RBM47: variants seen among roughly 807,000 people sequenced by gnomAD.
RBM47 encodes the protein RNA binding motif protein 47.
In RBM47, 21 loss-of-function variants were observed where a neutral mutation model predicts 47.1. That is an observed-to-expected ratio of 0.45 (90% CI 0.32 to 0.64). RBM47 has a LOEUF of 0.64. RBM47 is among the 30% of genes least tolerant of loss of function. RBM47 has a pLI of 0.05. For missense variants in RBM47, 708 were observed against 870.9 expected, an observed-to-expected ratio of 0.81 and a Z score of 2.35; for synonymous variants, 375 against 361.7, an observed-to-expected ratio of 1.04 and a Z score of -0.42.
chr4:40,514,286 T>TA (rs1055884878), intron 2 of RBM47, among the ~76,000 whole-genome samples: 23 of 152,182 alleles, frequency 1.5e-4, no homozygotes, highest in African/African-American at 5.5e-4. Flanking sequence ...GTTTTCCACT[T>TA]ACTCTCCATT....
intron 1 of RBM47, among the ~76,000 whole-genome samples, chr4:40,620,725 GT>G (rs1737188256): frequency 6.6e-6 from 1 of 151,868 alleles, no homozygotes; most frequent in African/African-American, 2.4e-5. Context: ...ATAGAGAAGG[GT>G]TTTCGCCATG....
At chr4:40,457,590 C>T (rs1716488924) in intron 3 of RBM47, among the ~76,000 whole-genome samples, 1 of 151,998 alleles carries the variant, frequency 6.6e-6, no homozygotes, top group African/African-American at 2.4e-5. Flanking sequence ...ACCACCACGC[C>T]CAGCTAATTT....
chr4:40,488,850 C>T lies in RBM47; in HGVS notation c.-154-22151G>A, dbSNP rs141305860. 2.5e-3 allele frequency among the ~76,000 whole-genome samples: 379 copies of T among 152,314 alleles called. 1 individual carries two copies. The highest frequency in any genetic ancestry group is 8.3e-3 in the African/African-American group (343 of 41,566). ...ACCAGTTCTGGGTGCTTCACATATG[C>T]TATTTCATTTAATCCTCACGACAAT... On this transcript the variant is annotated intron_variant, in intron 2 of 6. Coordinates refer to ENST00000295971, the MANE Select transcript of RBM47 (RefSeq NM_001098634.2).
chr4:40,523,317 G>A (rs117728101), intron 2 of RBM47, among the ~76,000 whole-genome samples: 2,653 of 151,812 alleles, frequency 0.017, 64 homozygotes, highest in African/African-American at 0.051. Context: ...GCTCATGCCT[G>A]TAATCCCAGC....
intron 2 of RBM47, among the ~76,000 whole-genome samples, chr4:40,538,341 T>C (rs991010690): frequency 9.3e-5 from 14 of 150,370 alleles, no homozygotes; most frequent in Non-Finnish European, 1.6e-4. Context: ...TTTTTTTTTT[T>C]TTTTGAGACA....
chr4:40,616,149 G>C (rs13129366), intron 1 of RBM47, among the ~76,000 whole-genome samples: 40,649 of 151,806 alleles, frequency 0.27, 5,607 homozygotes, highest in Middle Eastern at 0.32. Context: ...TCAGGAGATC[G>C]AGACCATCCT....
chr4:40,569,774 A>AAG (rs1731533149), intron 1 of RBM47, among the ~76,000 whole-genome samples: 1 of 142,254 alleles, frequency 7.0e-6, no homozygotes, highest in Non-Finnish European at 1.5e-5. Flanking sequence ...GCAGTGCCGC[A>AAG]ATCTCGGCTC....
Position 40,425,938 on chromosome 4 carries a change from T to C in RBM47, c.1748A>G (p.Gln583Arg). The C allele has an allele frequency of 6.2e-7, 1 of 1,614,222 alleles. No homozygotes were observed. The highest frequency in any genetic ancestry group is 1.1e-5 in the South Asian group (1 of 91,084). ...CTGGTAGACGTCGGGGATGGGGACCTGAATGGCAGCAGCAGGGAAGGCCTG... is the reference window on the plus strand; with the variant it reads ...CTGGTAGACGTCGGGGATGGGGACCCGAATGGCAGCAGCAGGGAAGGCCTG... ...IPQAFPAAAI[Q>R]VPIPDVYQTY Residue 583 changes from glutamine to arginine, a missense_variant, in exon 7 of 7, where the codon CAG (glutamine) becomes CGG (arginine). Physicochemically the swap from Gln to Arg is conservative, Grantham distance 43 (BLOSUM62 1). Coordinates refer to ENST00000295971, the MANE Select transcript of RBM47 (RefSeq NM_001098634.2).
chr4:40,493,833 G>A (rs567984164), intron 2 of RBM47, among the ~76,000 whole-genome samples: 17 of 151,590 alleles, frequency 1.1e-4, no homozygotes, highest in East Asian at 9.7e-4. Flanking sequence ...CAGCTACTCC[G>A]GAGGTTGAGG....
chr4:40,626,123 C>A (rs562952861), intron 1 of RBM47, among the ~76,000 whole-genome samples: 1 of 152,302 alleles, frequency 6.6e-6, no homozygotes, highest in African/African-American at 2.4e-5. Context: ...ACCCACAAAT[C>A]GTTGTTTACA....
intron 1 of RBM47, among the ~76,000 whole-genome samples, chr4:40,564,079 T>C (rs151015245): frequency 6.6e-6 from 1 of 152,150 alleles, no homozygotes; most frequent in African/African-American, 2.4e-5. Flanking sequence ...TTTTTAATTA[T>C]GAAAAATACA....
intron 1 of RBM47, among the ~76,000 whole-genome samples, chr4:40,625,197 AC>A (rs1446200061): frequency 5.9e-5 from 9 of 152,018 alleles, no homozygotes; most frequent in African/African-American, 2.2e-4. Context: ...CCAACTTGGA[AC>A]CCTCGTTTTT....
chr4:40,442,279 A>AC (rs1488241409), intron 3 of RBM47, among the ~76,000 whole-genome samples: 1 of 152,232 alleles, frequency 6.6e-6, no homozygotes, highest in Non-Finnish European at 1.5e-5. Context: ...TACACCAACT[A>AC]CAAGTATTGC....
chr4:40,536,455 A>G (rs1025804194), intron 2 of RBM47, among the ~76,000 whole-genome samples: 2 of 152,206 alleles, frequency 1.3e-5, no homozygotes, highest in Non-Finnish European at 2.9e-5. Context: ...ACCTTGGAGT[A>G]TTCTCTTTGC....
Position 40,540,638 on chromosome 4 carries a change from CA to C in RBM47, c.-155+3783del, listed in dbSNP as rs367927651. ...AGGTAACAGGAGTGAAACTCTGTCT[CA>C]AAAAAAAAAAAAAATAATAATAATA... On this transcript the variant is annotated intron_variant, in intron 2 of 6. Coordinates refer to ENST00000295971, the MANE Select transcript of RBM47 (RefSeq NM_001098634.2). Among the ~76,000 whole-genome samples, 586 of 106,940 alleles carry C rather than the reference CA, an allele frequency of 5.5e-3. 2 individuals are homozygous for C. The highest frequency in any genetic ancestry group is 7.5e-3 in the African/African-American group (189 of 25,090). The allele number at this position is 106,940 out of a possible 152,430, so 70.2% of individuals were successfully genotyped here.
chr4:40,582,616 A>T (rs1275830667), intron 1 of RBM47, among the ~76,000 whole-genome samples: 2 of 152,164 alleles, frequency 1.3e-5, no homozygotes, highest in Non-Finnish European at 2.9e-5. Flanking sequence ...GCATTCCAGG[A>T]TCTGTTCCCT....
At chr4:40,436,250 CTA>C (rs1432524240) in intron 5 of RBM47, among the ~76,000 whole-genome samples, 189 bp downstream of exon 5, 1 of 151,854 alleles carries the variant, frequency 6.6e-6, no homozygotes, top group Non-Finnish European at 1.5e-5. Flanking sequence ...ATAGTCAAAG[CTA>C]CACCATCCCC....
chr4:40,610,480 G>A (rs1425888852), intron 1 of RBM47, among the ~76,000 whole-genome samples: 1 of 151,608 alleles, frequency 6.6e-6, no homozygotes, highest in Non-Finnish European at 1.5e-5. Flanking sequence ...CTCGGTGGCG[G>A]GTGCCTGTAG....
intron 1 of RBM47, among the ~76,000 whole-genome samples, chr4:40,551,315 T>G (rs1391010844): frequency 6.6e-6 from 1 of 152,212 alleles, no homozygotes; most frequent in Non-Finnish European, 1.5e-5. Context: ...GGCCCTTTAG[T>G]ACATACTTTC....
Sources: allele counts gnomAD v4.1 joint callset (sites outside exome capture counted in the v4.1 genomes callset), GRCh38; gene constraint gnomAD v4.1.1; transcripts MANE v1.5; gene names NCBI Gene and HGNC (gene_info 2026-07-23, HGNC 2026-07-21).